Variants in THSD4 observed in about 807,000 individuals in gnomAD.
THSD4 encodes the protein thrombospondin type 1 domain containing 4.
In THSD4, 69 loss-of-function variants were observed where a neutral mutation model predicts 119.0. The ratio of observed to expected loss-of-function variants is 0.58; its 90% CI spans 0.48 to 0.71. The LOEUF (loss-of-function observed/expected upper bound fraction) is 0.71, where lower values mean the gene tolerates loss of function less well. Ranked by LOEUF, THSD4 falls within the 30% of genes least tolerant of loss-of-function variation. The probability of loss-of-function intolerance (pLI) is 0.00; values close to 1 mark genes in which losing one functional copy is unlikely to be tolerated. For missense variants in THSD4, 1,393 were observed against 1,391.1 expected (o/e 1.00, Z -0.02); for synonymous variants, 524 against 540.4 (o/e 0.97, Z 0.42).
intron 7 of THSD4, among the ~76,000 whole-genome samples, chr15:71,500,409 T>G (rs2048092458): frequency 1.3e-5 from 2 of 152,192 alleles, no homozygotes; most frequent in Admixed American, 1.3e-4. Flanking sequence ...GCAAATATTT[T>G]CCCCCATTCC....
At chr15:71,611,440 C>T (rs2050224991) in intron 7 of THSD4, among the ~76,000 whole-genome samples, 1 of 152,194 alleles carries the variant, frequency 6.6e-6, no homozygotes. Context: ...CCGGCAAAAA[C>T]CCCTATGCTA....
chr15:71,556,232 A>G (rs1050726261), intron 7 of THSD4, among the ~76,000 whole-genome samples: 3 of 152,202 alleles, frequency 2.0e-5, no homozygotes, highest in African/African-American at 7.2e-5. Flanking sequence ...TGAGAACACT[A>G]AAATCATTCT....
At chr15:71,162,143 T>A (rs1321845410) in intron 3 of THSD4, among the ~76,000 whole-genome samples, 1 of 152,072 alleles carries the variant, frequency 6.6e-6, no homozygotes, top group African/African-American at 2.4e-5. Flanking sequence ...ACCTTCATAC[T>A]AGAGAATTGA....
chr15:71,291,189 A>T (rs2044787202), intron 6 of THSD4, among the ~76,000 whole-genome samples: 3 of 152,204 alleles, frequency 2.0e-5, no homozygotes, highest in Admixed American at 2.0e-4. Flanking sequence ...TATTGTTTAC[A>T]TTATGACTAT....
intron 6 of THSD4, among the ~76,000 whole-genome samples, chr15:71,265,630 G>C (rs1042430475): frequency 2.0e-5 from 3 of 152,142 alleles, no homozygotes; most frequent in African/African-American, 7.2e-5. Context: ...TGGAAAGGGG[G>C]CTGAAGCCAG....
At position 71,744,982 on chromosome 15, in the gene THSD4, G is replaced by A. The variant is rs945242757; in HGVS notation, c.1907-124G>A. On this transcript the variant is annotated intron_variant, in intron 11 of 17. Coordinates refer to ENST00000261862, the MANE Select transcript of THSD4 (RefSeq NM_024817.3). ...GGGGAGCGTAAGTGTGCATGCATGT[G>A]TGAATTGTCCTCACTGTTTCTGTGC... The A allele has an allele frequency of 4.7e-6, 6 of 1,273,148 alleles. No homozygotes were observed. In the African/African-American group the frequency reaches 7.4e-5, roughly 16 times the overall value. 78.9% of individuals were successfully genotyped at this position (1,273,148 alleles called of 1,614,324 possible). A position where few individuals can be genotyped will look rare whatever the true frequency, so the allele number is the denominator to read the frequency against.
At chr15:71,755,993 C>A (rs543185719) in intron 14 of THSD4, among the ~76,000 whole-genome samples, 47 of 152,254 alleles carry the variant, frequency 3.1e-4, no homozygotes, top group Middle Eastern at 3.4e-3. Context: ...CACTCTGAGT[C>A]TGTCCAGAAG....
At chr15:71,295,579 AT>A in intron 6 of THSD4, among the ~76,000 whole-genome samples, 1 of 151,972 alleles carries the variant, frequency 6.6e-6, no homozygotes, top group Non-Finnish European at 1.5e-5. Flanking sequence ...TGGGTGAATC[AT>A]TTCCCTCTCT....
At chr15:71,747,117 A>G in intron 13 of THSD4, 75 bp downstream of exon 13, 2 of 1,487,774 alleles carry the variant, frequency 1.3e-6, no homozygotes, top group African/African-American at 2.8e-5. Context: ...CCCCACCAAG[A>G]CCTGAGATGG....
At chr15:71,475,772 TA>T (rs1484105492) in intron 7 of THSD4, among the ~76,000 whole-genome samples, 1 of 152,090 alleles carries the variant, frequency 6.6e-6, no homozygotes, top group Admixed American at 6.6e-5. Context: ...AATCGTTTTT[TA>T]AAAATTAGCT....
At chr15:71,553,735 G>A (rs2048970393) in intron 7 of THSD4, among the ~76,000 whole-genome samples, 3 of 152,168 alleles carry the variant, frequency 2.0e-5, no homozygotes, top group African/African-American at 7.2e-5. Context: ...TTTATCAGGA[G>A]TGATTGCTGA....
intron 7 of THSD4, among the ~76,000 whole-genome samples, chr15:71,493,492 C>G (rs550672060): frequency 6.6e-6 from 1 of 152,234 alleles, no homozygotes; most frequent in South Asian, 2.1e-4. Flanking sequence ...GCTATTATCC[C>G]CATTTGATAG....
rs542737309 is a variant in THSD4 at position 71,461,980 on chromosome 15, CG to C, written c.1152+50158del. 1.9e-3 allele frequency among the ~76,000 whole-genome samples: 295 copies of C among 152,070 alleles called. 17 individuals are homozygous for C. In the South Asian group the frequency reaches 0.06, roughly 31 times the overall value. On this transcript the variant is annotated intron_variant, in intron 7 of 17. Coordinates refer to ENST00000261862, the MANE Select transcript of THSD4 (RefSeq NM_024817.3). ...GCTGGCATGAAGCTTTGTATGTTGG[CG>C]AGCCAACTCCCATGAGTTGGAAGCT...
intron 6 of THSD4, among the ~76,000 whole-genome samples, chr15:71,289,450 C>T (rs113154664): frequency 3.9e-5 from 6 of 152,208 alleles, no homozygotes; most frequent in South Asian, 2.1e-4. Context: ...CCTTCCCTGC[C>T]GCACTCTCCA....
intron 3 of THSD4, among the ~76,000 whole-genome samples, chr15:71,201,240 A>C (rs1448476763): frequency 5.9e-5 from 9 of 152,160 alleles, no homozygotes. Context: ...GAGGGCTTTC[A>C]TAATGGTACT....
At chr15:71,246,819 A>T (rs935929998) in intron 5 of THSD4, among the ~76,000 whole-genome samples, 23 of 151,692 alleles carry the variant, frequency 1.5e-4, no homozygotes, top group African/African-American at 5.6e-4. Context: ...AATCTCAAAC[A>T]TCTGCTGGTG....
At chr15:71,106,299 A>G (rs553116382) in intron 1 of THSD4, among the ~76,000 whole-genome samples, 1 of 152,222 alleles carries the variant, frequency 6.6e-6, no homozygotes, top group East Asian at 1.9e-4. Context: ...GACCACTCCC[A>G]CTACTGTGCC....
At chr15:71,614,343 G>A (rs1388694402) in intron 7 of THSD4, among the ~76,000 whole-genome samples, 3 of 152,026 alleles carry the variant, frequency 2.0e-5, no homozygotes, top group African/African-American at 7.2e-5. Context: ...TGTCATTTTC[G>A]CCTGCTTTTT....
chr15:71,448,274 G>A (rs1179412831), intron 7 of THSD4, among the ~76,000 whole-genome samples: 1 of 152,208 alleles, frequency 6.6e-6, no homozygotes, highest in Non-Finnish European at 1.5e-5. Context: ...AGACAATGTT[G>A]AGAAGACTGA....
Sources: allele counts gnomAD v4.1 joint callset (sites outside exome capture counted in the v4.1 genomes callset), GRCh38; gene constraint gnomAD v4.1.1; transcripts MANE v1.5; gene names NCBI Gene and HGNC (gene_info 2026-07-23, HGNC 2026-07-21).